The following CFAP54 variants were observed in gnomAD, a reference collection of about 807,000 sequenced individuals.
The protein encoded by CFAP54 is cilia- and flagella-associated protein 54.
CFAP54 carries 290 observed loss-of-function variants against 370.4 expected under a neutral mutation model. The ratio of observed to expected loss-of-function variants is 0.78; its 90% CI spans 0.71 to 0.86. CFAP54 has a LOEUF of 0.86. Among genes scored for constraint, CFAP54 ranks in the 40% least tolerant of loss-of-function variants. CFAP54 has a pLI of 0.00. For missense variants in CFAP54, 3,399 were observed against 3,528.7 expected (o/e 0.96, Z 0.93); for synonymous variants, 1,206 against 1,236.5 (o/e 0.98, Z 0.52).
At chr12:96,807,801 G>A (rs534695515) in intron 63 of CFAP54, among the ~76,000 whole-genome samples, 2 of 152,266 alleles carry the variant, frequency 1.3e-5, no homozygotes, top group African/African-American at 4.8e-5. Context: ...ACCAAAGAAG[G>A]GTAAGGAGCC....
intron 6 of CFAP54, among the ~76,000 whole-genome samples, chr12:96,519,378 C>CATTTT (rs1235746909): frequency 2.2e-4 from 34 of 152,206 alleles, no homozygotes; most frequent in Middle Eastern, 3.4e-3. Flanking sequence ...GGATTACAGG[C>CATTTT]GTGAGCCACT....
chr12:96,712,590 C>T (rs1957627111), intron 48 of CFAP54, among the ~76,000 whole-genome samples: 1 of 152,044 alleles, frequency 6.6e-6, no homozygotes, highest in Non-Finnish European at 1.5e-5. Flanking sequence ...CAGTAATCAC[C>T]CTACTGTGCT....
chr12:96,507,552 CACACACAT>C (rs779858027), intron 4 of CFAP54, among the ~76,000 whole-genome samples: 155 of 144,292 alleles, frequency 1.1e-3, no homozygotes, highest in Non-Finnish European at 1.4e-3. Flanking sequence ...CACACACACA[CACACACAT>C]ACACACACAC....
intron 14 of CFAP54, among the ~76,000 whole-genome samples, chr12:96,542,687 G>A (rs1333476689): frequency 6.6e-6 from 1 of 152,112 alleles, no homozygotes; most frequent in Non-Finnish European, 1.5e-5. Context: ...TTATCTGACA[G>A]ATAAGGATTT....
At chr12:96,823,953 T>C (rs1565991736) in intron 65 of CFAP54, among the ~76,000 whole-genome samples, 1 of 152,068 alleles carries the variant, frequency 6.6e-6, no homozygotes, top group Non-Finnish European at 1.5e-5. Context: ...AGGAAGTTTT[T>C]TCTCCCCCCA....
chr12:96,745,981 C>G (rs895526525), intron 55 of CFAP54, among the ~76,000 whole-genome samples: 1 of 152,148 alleles, frequency 6.6e-6, no homozygotes, highest in Non-Finnish European at 1.5e-5. Context: ...GGTGTATCAG[C>G]CTAACTCTGC....
intron 65 of CFAP54, among the ~76,000 whole-genome samples, chr12:96,828,181 G>A (rs1460384590): frequency 6.7e-6 from 1 of 149,158 alleles, no homozygotes; most frequent in Non-Finnish European, 1.5e-5. Flanking sequence ...ATGTAGTTAT[G>A]ACTTCTTCAG....
chr12:96,638,643 A>G (rs1419887975), intron 32 of CFAP54, among the ~76,000 whole-genome samples: 2 of 152,098 alleles, frequency 1.3e-5, no homozygotes, highest in Admixed American at 6.6e-5. Context: ...CTTATATATC[A>G]TTGCTTTGAT....
intron 39 of CFAP54, among the ~76,000 whole-genome samples, chr12:96,666,837 T>A (rs1226033286): frequency 6.6e-6 from 1 of 152,152 alleles, no homozygotes; most frequent in African/African-American, 2.4e-5. Flanking sequence ...CCCCAAAGTT[T>A]TAACTTATTT....
chr12:96,737,773 A>T (rs1210940847), intron 50 of CFAP54, among the ~76,000 whole-genome samples: 1 of 152,066 alleles, frequency 6.6e-6, no homozygotes, highest in African/African-American at 2.4e-5. Context: ...CAGGCATGAG[A>T]TATATTGACC....
chr12:96,557,959 C>A (rs1006275962), intron 17 of CFAP54, among the ~76,000 whole-genome samples: 1 of 151,992 alleles, frequency 6.6e-6, no homozygotes, highest in African/African-American at 2.4e-5. Context: ...ATGTATAACT[C>A]ATCTGCATTT....
chr12:96,826,905 T>C (rs1478036760), intron 65 of CFAP54, among the ~76,000 whole-genome samples: 1 of 127,570 alleles, frequency 7.8e-6, no homozygotes, highest in Non-Finnish European at 1.6e-5. Context: ...ATATATTATA[T>C]ATGCAATTAT....
intron 40 of CFAP54, among the ~76,000 whole-genome samples, chr12:96,679,967 A>G (rs1957252576): frequency 1.3e-5 from 2 of 152,224 alleles, no homozygotes; most frequent in Admixed American, 6.5e-5. Context: ...CTGTGAAACT[A>G]TCAAACTCTC....
At chr12:96,709,944 T>G (rs1040528379) in intron 48 of CFAP54, among the ~76,000 whole-genome samples, 1 of 152,120 alleles carries the variant, frequency 6.6e-6, no homozygotes, top group African/African-American at 2.4e-5. Context: ...CTTGAACTCC[T>G]GATCTCAAGT....
rs757150844 is a variant in CFAP54, at chr12:96,650,047, T to C, written c.4847T>C (p.Ile1616Thr). ...TGTGTAATGGATCATTTTATGAAAA[T>C]CTTTTTATACTGCAGGAGAGCAATG... The part of the protein sequence containing the change: ...NLCVMDHFMK[I>T]FLYCRRAMVL... Residue 1616 changes from isoleucine (I) to threonine (T), a missense_variant, in exon 35 of 68, where the codon ATC becomes ACC. This residue lies in a region of CFAP54 where 2,796 missense variants were observed against 2,869.7 expected (regional missense o/e 0.97). Transcript: ENST00000524981. 1.2e-6 allele frequency: 2 copies of C among 1,612,508 alleles called. No individual in the cohort carries two copies. Among genetic ancestry groups the C allele is most frequent in the African/African-American group, 1.3e-5 (1 of 74,972 alleles).
intron 46 of CFAP54, among the ~76,000 whole-genome samples, chr12:96,701,671 C>A (rs1224824448): frequency 6.6e-6 from 1 of 152,024 alleles, no homozygotes. Flanking sequence ...TCTGAGGGAC[C>A]AACCTTCCAA....
At chr12:96,553,613 TA>T in intron 15 of CFAP54, among the ~76,000 whole-genome samples, 1 of 149,414 alleles carries the variant, frequency 6.7e-6, no homozygotes, top group Non-Finnish European at 1.5e-5. Context: ...TTTATTTCCT[TA>T]AAAAATCTGG....
chr12:96,531,084 T>C (rs1955436603), intron 9 of CFAP54, among the ~76,000 whole-genome samples: 3 of 152,224 alleles, frequency 2.0e-5, no homozygotes, highest in Admixed American at 1.3e-4. Flanking sequence ...TCATTGCTTT[T>C]TAAGACAGAA....
chr12:96,609,039 G>A (rs75218419), intron 26 of CFAP54, among the ~76,000 whole-genome samples: 3 of 152,036 alleles, frequency 2.0e-5, no homozygotes, highest in Non-Finnish European at 2.9e-5. Flanking sequence ...CCTAAAACAC[G>A]ATGACAAACA....
Sources: allele counts gnomAD v4.1 joint callset (sites outside exome capture counted in the v4.1 genomes callset), GRCh38; gene constraint gnomAD v4.1.1; regional missense constraint gnomAD v4.1.1; transcripts MANE v1.5; gene names NCBI Gene and HGNC (gene_info 2026-07-23, HGNC 2026-07-21).